PDS5A: variants seen among roughly 807,000 people sequenced by gnomAD.
The protein encoded by PDS5A is sister chromatid cohesion protein PDS5 homolog A.
In PDS5A, 42 loss-of-function variants were observed where a neutral mutation model predicts 167.1. That is an observed-to-expected ratio of 0.25 (90% CI 0.20 to 0.33). PDS5A has a LOEUF of 0.33. Ranked by LOEUF, PDS5A falls within the 10% of genes least tolerant of loss-of-function variation. The pLI is 1.00. For synonymous variants in PDS5A, 553 were observed against 554.6 expected (o/e 1.00, Z 0.04); for missense variants, 1,033 against 1,605.9 (o/e 0.64, Z 6.10).
intron 22 of PDS5A, among the ~76,000 whole-genome samples, chr4:39,867,774 A>ACAC (rs369419469): frequency 9.2e-6 from 1 of 108,524 alleles, no homozygotes; most frequent in African/African-American, 3.8e-5. Flanking sequence ...ACACACACAC[A>ACAC]CCCCACAACT....
At chr4:39,879,393 T>C (rs1235500075) in intron 18 of PDS5A, among the ~76,000 whole-genome samples, 1 of 152,000 alleles carries the variant, frequency 6.6e-6, no homozygotes, top group African/African-American at 2.4e-5. Context: ...ATGATGATAT[T>C]CCCTCCTCTA....
intron 17 of PDS5A, among the ~76,000 whole-genome samples, chr4:39,888,288 G>C (rs1721661035): frequency 6.7e-6 from 1 of 150,088 alleles, no homozygotes; most frequent in Admixed American, 6.6e-5. Flanking sequence ...AACAAGACAG[G>C]GAATAACGGA....
chr4:39,880,451 G>A (rs1720833782), intron 17 of PDS5A, among the ~76,000 whole-genome samples: 1 of 152,032 alleles, frequency 6.6e-6, no homozygotes, highest in Non-Finnish European at 1.5e-5. Context: ...TAGCAACATG[G>A]TACTATTTTA....
chr4:39,827,096 G>C (rs993351466), intron 32 of PDS5A, among the ~76,000 whole-genome samples: 1 of 151,968 alleles, frequency 6.6e-6, no homozygotes, highest in Admixed American at 6.6e-5. Flanking sequence ...CACCTCCCAG[G>C]TTCAAGCGAT....
chr4:39,977,149 C>T lies in PDS5A; in HGVS notation c.-41+308G>A, dbSNP rs1731190200. On this transcript the variant is annotated intron_variant, in intron 1 of 32. Coordinates refer to ENST00000303538, the MANE Select transcript of PDS5A (RefSeq NM_001100399.2). The surrounding 1 kb of genome is among the most constrained non-coding windows in gnomAD (Gnocchi z 4.2). ...CGGGGTAGTCCCCGCCGCGCTGCCA[C>T]CCCTCCCCTGTTCCGCTCCCTCACC... Among the ~76,000 whole-genome samples, 1 of 151,986 alleles carries T rather than the reference C, an allele frequency of 6.6e-6. No homozygotes were observed. Among genetic ancestry groups the T allele is most frequent in the Admixed American group, 6.5e-5 (1 of 15,270 alleles).
At chr4:39,890,509 C>T in intron 16 of PDS5A, 145 bp from the exon 17 acceptor site, 1 of 552,734 alleles carries the variant, frequency 1.8e-6, no homozygotes. Flanking sequence ...TTTTTACACC[C>T]CGAGCAATGA....
chr4:39,837,761 A>C, intron 32 of PDS5A, 95 bp downstream of exon 32: 1 of 844,512 alleles, frequency 1.2e-6, no homozygotes, highest in South Asian at 1.9e-5. Context: ...TTCTCTCTCA[A>C]ATGCTTAGGT....
chr4:39,874,470 C>T, intron 19 of PDS5A, 58 bp from the exon 20 acceptor site: 1 of 1,407,520 alleles, frequency 7.1e-7, no homozygotes, highest in Non-Finnish European at 1.0e-6. Flanking sequence ...ACAAGTATTC[C>T]TTTGGTTGAC....
intron 2 of PDS5A, among the ~76,000 whole-genome samples, chr4:39,975,106 C>CAAA (rs57418654): frequency 0.024 from 2,002 of 85,146 alleles, 58 homozygotes; most frequent in East Asian, 0.17. Context: ...GACTCCGTCT[C>CAAA]AAAAAAAAAA....
At chr4:39,867,761 CACACACACACACA>C (rs1560439921) in intron 22 of PDS5A, among the ~76,000 whole-genome samples, 6 of 150,228 alleles carry the variant, frequency 4.0e-5, no homozygotes, top group African/African-American at 7.4e-5. Context: ...CACACACACA[CACACACACACACA>C]CCCCACAACT....
intron 2 of PDS5A, among the ~76,000 whole-genome samples, chr4:39,954,341 CAG>C (rs1338465540): frequency 2.0e-5 from 3 of 152,018 alleles, no homozygotes; most frequent in Admixed American, 2.0e-4. Context: ...GCCTTGGTGA[CAG>C]AGCGAGACCC....
At chr4:39,948,210 CAAAAAA>C (rs35177594) in intron 2 of PDS5A, among the ~76,000 whole-genome samples, 3 of 96,460 alleles carry the variant, frequency 3.1e-5, no homozygotes, top group Non-Finnish European at 4.1e-5. Context: ...TATCCCGTCT[CAAAAAA>C]AAAAAAAAAA....
chr4:39,963,330 G>A (rs1047595562), intron 2 of PDS5A, among the ~76,000 whole-genome samples: 5 of 151,616 alleles, frequency 3.3e-5, no homozygotes, highest in African/African-American at 4.8e-5. Flanking sequence ...ATGGTGGCAG[G>A]CACCTATAAT....
chr4:39,876,746 A>G (rs1720492377), intron 19 of PDS5A, among the ~76,000 whole-genome samples: 1 of 152,240 alleles, frequency 6.6e-6, no homozygotes, highest in Non-Finnish European at 1.5e-5. Context: ...TTGATTCTTA[A>G]TATCTTAAAA....
intron 7 of PDS5A, among the ~76,000 whole-genome samples, chr4:39,919,858 A>G (rs1262682767): frequency 6.6e-6 from 1 of 152,166 alleles, no homozygotes; most frequent in African/African-American, 2.4e-5. Flanking sequence ...CATTACTGAA[A>G]AGTATTTAAA....
At chr4:39,939,143 G>A (rs1294994443) in intron 2 of PDS5A, among the ~76,000 whole-genome samples, 1 of 152,016 alleles carries the variant, frequency 6.6e-6, no homozygotes, top group Non-Finnish European at 1.5e-5. Context: ...GCAAGAGGAT[G>A]GCTTGAGCCT....
chr4:39,918,517 G>GGTA (rs1461401493), intron 7 of PDS5A, among the ~76,000 whole-genome samples: 14 of 152,038 alleles, frequency 9.2e-5, no homozygotes, highest in African/African-American at 3.4e-4. Context: ...ATACACTTCT[G>GGTA]GTAGTATCAT....
intron 32 of PDS5A, chr4:39,837,334 A>G (rs1208370086): frequency 6.5e-6 from 1 of 152,862 alleles, no homozygotes; most frequent in Non-Finnish European, 1.5e-5. Flanking sequence ...TTCCAACAGG[A>G]AAAGTCTGAA....
At chr4:39,826,753 G>C (rs1487580124) in intron 32 of PDS5A, among the ~76,000 whole-genome samples, 1 of 152,028 alleles carries the variant, frequency 6.6e-6, no homozygotes, top group Non-Finnish European at 1.5e-5. Flanking sequence ...CCAAAGTGCT[G>C]GGATTACAGG....
Sources: gnomAD v4.1 joint callset for allele counts (sites outside exome capture counted in the v4.1 genomes callset) on GRCh38, gnomAD v4.1.1 for gene constraint, Gnocchi (gnomAD v3.1) non-coding constraint, MANE v1.5 for transcripts, NCBI Gene and HGNC (gene_info 2026-07-23, HGNC 2026-07-21) for gene names.